The following ZCCHC7 variants were observed in gnomAD, a reference collection of about 807,000 sequenced individuals.
ZCCHC7 encodes the protein zinc finger CCHC-type containing 7.
ZCCHC7 carries 35 observed loss-of-function variants against 52.0 expected under a neutral mutation model. That is an observed-to-expected ratio of 0.67 (90% CI 0.51 to 0.89). The LOEUF (loss-of-function observed/expected upper bound fraction) is 0.89, where lower values mean the gene tolerates loss of function less well. ZCCHC7 is among the 40% of genes least tolerant of loss of function. The pLI, the probability that ZCCHC7 is intolerant of heterozygous loss-of-function variation, is 0.00. For missense variants in ZCCHC7, 574 were observed against 649.1 expected (o/e 0.88, Z 1.26); for synonymous variants, 217 against 221.5 (o/e 0.98, Z 0.18).
intron 2 of ZCCHC7, among the ~76,000 whole-genome samples, chr9:37,150,137 G>A (rs945033950): frequency 6.6e-6 from 1 of 152,136 alleles, no homozygotes; most frequent in Admixed American, 6.5e-5. Flanking sequence ...ATTCTCTGTT[G>A]GGCTCTTTTT....
At chr9:37,122,023 T>G (rs1407300747) in intron 1 of ZCCHC7, among the ~76,000 whole-genome samples, 1 of 152,214 alleles carries the variant, frequency 6.6e-6, no homozygotes, top group African/African-American at 2.4e-5. Flanking sequence ...GTAAAGTGTA[T>G]TCATCACATT....
At chr9:37,246,027 G>A (rs978554906) in intron 2 of ZCCHC7, among the ~76,000 whole-genome samples, 1 of 152,084 alleles carries the variant, frequency 6.6e-6, no homozygotes, top group Non-Finnish European at 1.5e-5. Flanking sequence ...GTAAGATAGT[G>A]ACAGGATCAT....
At chr9:37,299,932 T>G (rs1185871971) in intron 2 of ZCCHC7, among the ~76,000 whole-genome samples, 2 of 152,186 alleles carry the variant, frequency 1.3e-5, no homozygotes, top group African/African-American at 4.8e-5. Flanking sequence ...AAAAATGGAT[T>G]GAAAATACAG....
At chr9:37,317,010 CCTAA>C (rs1480138631) in intron 5 of ZCCHC7, among the ~76,000 whole-genome samples, 2 of 151,902 alleles carry the variant, frequency 1.3e-5, no homozygotes, top group African/African-American at 4.8e-5. Context: ...TTGGGAAAAT[CCTAA>C]CTCTTTCTTC....
At chr9:37,165,768 G>A (rs1032382307) in intron 2 of ZCCHC7, among the ~76,000 whole-genome samples, 2 of 152,142 alleles carry the variant, frequency 1.3e-5, no homozygotes, top group Non-Finnish European at 2.9e-5. Context: ...CTGATTTTCA[G>A]TGTGAAAATA....
intron 3 of ZCCHC7, among the ~76,000 whole-genome samples, chr9:37,303,677 T>TTTTTTTG (rs1554726982): frequency 4.9e-5 from 7 of 143,410 alleles, no homozygotes; most frequent in African/African-American, 1.6e-4. Flanking sequence ...TTTTTTTTTT[T>TTTTTTTG]TTTGAGATGA....
intron 2 of ZCCHC7, among the ~76,000 whole-genome samples, chr9:37,188,513 T>TC (rs1195083507): frequency 7.3e-5 from 2 of 27,506 alleles, no homozygotes; most frequent in Non-Finnish European, 1.4e-4. Flanking sequence ...TCCTTCCCCC[T>TC]CCCCCCTCTC....
At chr9:37,326,199 T>C (rs545467916) in intron 5 of ZCCHC7, 1 of 152,290 alleles carries the variant, frequency 6.6e-6, no homozygotes, top group South Asian at 2.1e-4. Flanking sequence ...GTACATTAGA[T>C]ATTTGTGTGT....
rs1048148693 is a variant in ZCCHC7, at chr9:37,129,200, A to G, written c.610+2258A>G. Among the ~76,000 whole-genome samples, 9 of 152,360 alleles carry G rather than the reference A, an allele frequency of 5.9e-5. No homozygotes were observed. The South Asian group carries it at 1.7e-3, about 28-fold the overall frequency. On this transcript the variant is annotated intron_variant, in intron 2 of 8. Transcript: ENST00000336755. ...CTACAGACATGCTAAAGTTGATGGC[A>G]CAATGTGGATAGGTTGGGAAAAACA...
At chr9:37,309,049 G>T (rs906480887) in intron 5 of ZCCHC7, among the ~76,000 whole-genome samples, 2 of 151,582 alleles carry the variant, frequency 1.3e-5, no homozygotes, top group Non-Finnish European at 2.9e-5. Context: ...ATAAAATAGG[G>T]TTGGGCTGTG....
At chr9:37,292,389 T>G (rs1230266946) in intron 2 of ZCCHC7, among the ~76,000 whole-genome samples, 2 of 152,150 alleles carry the variant, frequency 1.3e-5, no homozygotes, top group African/African-American at 4.8e-5. Flanking sequence ...GTAGGTAGAC[T>G]TTTTAGGCCA....
chr9:37,299,670 C>A (rs1002904879), intron 2 of ZCCHC7, among the ~76,000 whole-genome samples: 1 of 152,202 alleles, frequency 6.6e-6, no homozygotes, highest in African/African-American at 2.4e-5. Flanking sequence ...CAAATCAAAA[C>A]TGGAACCTTG....
chr9:37,230,054 A>T (rs766846834), intron 2 of ZCCHC7, among the ~76,000 whole-genome samples: 1 of 152,202 alleles, frequency 6.6e-6, no homozygotes, highest in Non-Finnish European at 1.5e-5. Context: ...GTCCTCTGGA[A>T]GGTCTTCAGG....
chr9:37,317,597 G>C (rs1299116781), intron 5 of ZCCHC7, among the ~76,000 whole-genome samples: 3 of 152,040 alleles, frequency 2.0e-5, no homozygotes, highest in Non-Finnish European at 4.4e-5. Context: ...TTAAATTATA[G>C]TAATGTGGTT....
intron 2 of ZCCHC7, among the ~76,000 whole-genome samples, chr9:37,186,441 G>C (rs1822660147): frequency 1.3e-5 from 2 of 152,038 alleles, no homozygotes; most frequent in African/African-American, 4.8e-5. Flanking sequence ...AGTGTAAAGG[G>C]TGTTATGAAA....
chr9:37,145,812 A>T (rs1588374952), intron 2 of ZCCHC7, among the ~76,000 whole-genome samples: 2 of 152,040 alleles, frequency 1.3e-5, no homozygotes, highest in South Asian at 4.1e-4. Context: ...TTAAATTTTG[A>T]ACAAAAATTG....
intron 2 of ZCCHC7, among the ~76,000 whole-genome samples, chr9:37,166,388 C>G (rs562072391): frequency 6.6e-6 from 1 of 152,146 alleles, no homozygotes; most frequent in African/African-American, 2.4e-5. Flanking sequence ...CAGAGCAAGA[C>G]TCCATCTCAA....
intron 3 of ZCCHC7, among the ~76,000 whole-genome samples, chr9:37,302,434 T>C (rs1829077737): frequency 6.6e-6 from 1 of 152,228 alleles, no homozygotes; most frequent in Admixed American, 6.5e-5. Flanking sequence ...TCCAGTCCCC[T>C]TTCCCTTTCT....
chr9:37,135,776 T>C (rs1842973049), intron 2 of ZCCHC7, among the ~76,000 whole-genome samples: 1 of 152,228 alleles, frequency 6.6e-6, no homozygotes, highest in African/African-American at 2.4e-5. Flanking sequence ...AGTAAAATTA[T>C]GGCTTCAACA....
Sources: allele counts gnomAD v4.1 joint callset (sites outside exome capture counted in the v4.1 genomes callset), GRCh38; gene constraint gnomAD v4.1.1; transcripts MANE v1.5; gene names NCBI Gene and HGNC (gene_info 2026-07-23, HGNC 2026-07-21).